Variants in CNTNAP5 observed in about 807,000 individuals in gnomAD.
CNTNAP5 encodes contactin associated protein family member 5.
A neutral mutation model predicts 150.2 loss-of-function variants in CNTNAP5; 72 were observed. That is an observed-to-expected ratio of 0.48 (90% CI 0.40 to 0.58). CNTNAP5 has a LOEUF of 0.58. CNTNAP5 is among the 20% of genes least tolerant of loss of function. CNTNAP5 has a pLI of 0.00. For missense variants in CNTNAP5, 1,636 were observed against 1,626.2 expected, an observed-to-expected ratio of 1.01 and a Z score of -0.10; for synonymous variants, 672 against 619.8, an observed-to-expected ratio of 1.08 and a Z score of -1.25.
At chr2:124,851,563 A>T (rs1683156808) in intron 19 of CNTNAP5, among the ~76,000 whole-genome samples, 1 of 152,220 alleles carries the variant, frequency 6.6e-6, no homozygotes, top group African/African-American at 2.4e-5. Flanking sequence ...AATTAATGAA[A>T]GGAAAGTCAG....
At chr2:124,693,271 T>C (rs998996570) in intron 13 of CNTNAP5, among the ~76,000 whole-genome samples, 1 of 152,260 alleles carries the variant, frequency 6.6e-6, no homozygotes, top group East Asian at 1.9e-4. Context: ...ATAATCAAAA[T>C]GTATTCTTTG....
chr2:124,301,806 T>G lies in CNTNAP5; in HGVS notation c.381+59413T>G, dbSNP rs1688572009. 2.0e-5 allele frequency among the ~76,000 whole-genome samples: 3 copies of G among 152,198 alleles called. No homozygotes were observed. The South Asian group carries it at 6.2e-4, about 32-fold the overall frequency. ...TAAAAACTCCACTTCAGATTATTGT[T>G]GGAGGACACTCACCACAGGTGACTC... On this transcript the variant is annotated intron_variant, in intron 3 of 23. Transcript: ENST00000682447.
At chr2:124,640,606 G>A (rs533307343) in intron 12 of CNTNAP5, among the ~76,000 whole-genome samples, 2 of 152,224 alleles carry the variant, frequency 1.3e-5, no homozygotes, top group East Asian at 3.9e-4. Context: ...AGCTCCTGGG[G>A]GATTTCTGAA....
At chr2:124,073,731 G>A (rs1042427581) in intron 1 of CNTNAP5, among the ~76,000 whole-genome samples, 2 of 151,954 alleles carry the variant, frequency 1.3e-5, no homozygotes, top group Admixed American at 6.6e-5. Context: ...GCTTATATAC[G>A]ATTCATGGAA....
At chr2:124,226,066 C>T (rs1218105033) in intron 2 of CNTNAP5, among the ~76,000 whole-genome samples, 1 of 152,092 alleles carries the variant, frequency 6.6e-6, no homozygotes, top group East Asian at 1.9e-4. Flanking sequence ...ACTAATGCTG[C>T]AATGAACATT....
Position 124,613,475 on chromosome 2 carries a change from G to A in CNTNAP5, c.1876+3555G>A, listed in dbSNP as rs574876019. On this transcript the variant is annotated intron_variant, in intron 12 of 23. Transcript: ENST00000682447. Reference sequence around the variant, plus strand: ...AGATCTGGGTCCTCTGGCTTCCACAGCCTTTCCTCGTTGAGAATTCTCTGA... The same window carrying A: ...AGATCTGGGTCCTCTGGCTTCCACAACCTTTCCTCGTTGAGAATTCTCTGA... 3.9e-5 allele frequency among the ~76,000 whole-genome samples: 6 copies of A among 152,346 alleles called. No individual in the cohort carries two copies. In the South Asian group the frequency reaches 1.2e-3, roughly 32 times the overall value.
intron 13 of CNTNAP5, among the ~76,000 whole-genome samples, chr2:124,683,078 A>T (rs112043318): frequency 1.3e-5 from 2 of 152,298 alleles, no homozygotes; most frequent in Admixed American, 6.5e-5. Flanking sequence ...GGTAAAGTCA[A>T]CTATTTTTAG....
At chr2:124,861,924 C>T (rs565650244) in intron 19 of CNTNAP5, among the ~76,000 whole-genome samples, 79 of 152,186 alleles carry the variant, frequency 5.2e-4, no homozygotes, top group Non-Finnish European at 9.1e-4. Flanking sequence ...AGCGATTCTC[C>T]TGCCTCAGTC....
At chr2:124,351,391 G>T (rs1689871833) in intron 3 of CNTNAP5, among the ~76,000 whole-genome samples, 1 of 152,140 alleles carries the variant, frequency 6.6e-6, no homozygotes, top group Admixed American at 6.6e-5. Context: ...TCTATCATTT[G>T]TTCAGTTCAC....
chr2:124,461,603 A>G (rs1382851487), intron 6 of CNTNAP5, among the ~76,000 whole-genome samples: 4 of 151,778 alleles, frequency 2.6e-5, no homozygotes, highest in Non-Finnish European at 4.4e-5. Flanking sequence ...GGTGCAGCAC[A>G]CCAGCATGGC....
rs914044614 is a variant in CNTNAP5 at position 124,467,911 on chromosome 2, A to G, written c.919-6828A>G. The stretch of plus-strand genomic sequence containing the variant: ...CTTGATGATGAATAATAATTACTTA[A>G]TGATTATTTAAAAAGTAGTACATTA... On this transcript the variant is annotated intron_variant, in intron 6 of 23. Transcript: ENST00000682447. Among the ~76,000 whole-genome samples, 12 of 152,226 alleles carry G rather than the reference A, an allele frequency of 7.9e-5. No homozygotes were observed. The South Asian group carries it at 8.3e-4, about 11-fold the overall frequency.
rs528202792 is a variant in CNTNAP5 at position 124,270,969 on chromosome 2, G to A, written c.381+28576G>A. 3.3e-5 allele frequency among the ~76,000 whole-genome samples: 5 copies of A among 152,204 alleles called. No individual in the cohort carries two copies. The South Asian group carries it at 1.0e-3, about 32-fold the overall frequency. On this transcript the variant is annotated intron_variant, in intron 3 of 23. Coordinates refer to ENST00000682447, the MANE Select transcript of CNTNAP5 (RefSeq NM_001367498.1). ...AGCGAAGTTTTCTGACTGCTGGACT[G>A]TGGCAAGGAATAGGATTTTTTTATA...
intron 6 of CNTNAP5, among the ~76,000 whole-genome samples, chr2:124,453,798 G>C (rs1173918972): frequency 2.0e-5 from 3 of 151,992 alleles, no homozygotes; most frequent in Non-Finnish European, 4.4e-5. Context: ...CATAAATGAA[G>C]GAAAGATACA....
intron 13 of CNTNAP5, among the ~76,000 whole-genome samples, chr2:124,666,528 A>T (rs1173649566): frequency 6.6e-6 from 1 of 152,182 alleles, no homozygotes; most frequent in African/African-American, 2.4e-5. Flanking sequence ...GAGAGGTGTC[A>T]TCACAAGGCA....
chr2:124,025,344 T>C lies in CNTNAP5; in HGVS notation c.-307T>C. 3.3e-6 allele frequency: 1 copy of C among 307,502 alleles called. No individual in the cohort carries two copies. 19.0% of individuals were successfully genotyped at this position (307,502 alleles called of 1,614,324 possible). On this transcript the variant is annotated 5_prime_UTR_variant, in exon 1 of 24. Transcript: ENST00000682447. ...TGGCTGTCCACCGAGCTCCGGCGCC[T>C]GTCGTTCTAATTGGGTTTGGATTTG...
intron 1 of CNTNAP5, among the ~76,000 whole-genome samples, chr2:124,068,196 G>A (rs1682211923): frequency 6.6e-6 from 1 of 152,108 alleles, no homozygotes; most frequent in Admixed American, 6.6e-5. Context: ...GAAGAGACTA[G>A]GAGAGTCAGT....
Position 124,489,852 on chromosome 2 carries a change from G to A in CNTNAP5, c.1063-14440G>A, listed in dbSNP as rs544896436. 7.3e-4 allele frequency among the ~76,000 whole-genome samples: 111 copies of A among 152,242 alleles called. 1 individual carries two copies. The highest frequency in any genetic ancestry group is 1.5e-3 in the Non-Finnish European group (99 of 68,024). On this transcript the variant is annotated intron_variant, in intron 7 of 23. Coordinates refer to ENST00000682447, the MANE Select transcript of CNTNAP5 (RefSeq NM_001367498.1). ...GGGGATATTCCTCCCAGCTGAGTCA[G>A]CTCCCTTCAAGGAGCCTTCCAGTAA...
At position 124,737,835 on chromosome 2, in the gene CNTNAP5, A is replaced by G. The variant is rs1029115951; in HGVS notation, c.2078-9394A>G. Among the ~76,000 whole-genome samples the G allele has an allele frequency of 2.6e-5, 4 of 152,070 alleles. No homozygotes were observed. The East Asian group carries it at 5.8e-4, about 22-fold the overall frequency. ...CTAGCAGGTAATTTTACCTCTATCT[A>G]TGCCTTTGTTTTCTCATCTGCAAAG... On this transcript the variant is annotated intron_variant, in intron 13 of 23. Transcript: ENST00000682447.
chr2:124,217,944 G>A (rs1327185956), intron 1 of CNTNAP5, among the ~76,000 whole-genome samples: 10 of 152,048 alleles, frequency 6.6e-5, no homozygotes, highest in Admixed American at 1.3e-4. Context: ...ATCCAATCAA[G>A]AGAAGAAACA....
Sources: allele counts gnomAD v4.1 joint callset (sites outside exome capture counted in the v4.1 genomes callset), GRCh38; gene constraint gnomAD v4.1.1; transcripts MANE v1.5; gene names NCBI Gene and HGNC (gene_info 2026-07-23, HGNC 2026-07-21).